The following STOX2 variants were observed in gnomAD, a reference collection of about 807,000 sequenced individuals.
STOX2 encodes storkhead box 2, also known as storkhead-box protein 2.
Under a neutral mutation model 60.9 loss-of-function variants are expected in STOX2, and 28 were observed. The ratio of observed to expected loss-of-function variants is 0.46; its 90% CI spans 0.34 to 0.63. STOX2 has a LOEUF of 0.63. Ranked by LOEUF, STOX2 falls within the 30% of genes least tolerant of loss-of-function variation. STOX2 has a pLI of 0.01. For missense variants in STOX2, 1,024 were observed against 1,187.7 expected, an observed-to-expected ratio of 0.86 and a Z score of 2.03; for synonymous variants, 472 against 463.9, an observed-to-expected ratio of 1.02 and a Z score of -0.22.
At chr4:183,895,278 G>A (rs1003916517) in intron 1 of STOX2, among the ~76,000 whole-genome samples, 1 of 152,098 alleles carries the variant, frequency 6.6e-6, no homozygotes, top group Non-Finnish European at 1.5e-5. Flanking sequence ...TTTTTCCTTA[G>A]ATAGAATTCT....
rs539508578 is a variant in STOX2, at chr4:183,960,487, T to C, written c.167-40838T>C. ...ACGTGTGTATGCTGCATAGAGAATCTCAAGCGTATTCTAAAAAAAGAGATA... is the reference window on the plus strand; with the variant it reads ...ACGTGTGTATGCTGCATAGAGAATCCCAAGCGTATTCTAAAAAAAGAGATA... On this transcript the variant is annotated intron_variant, in intron 1 of 3. Transcript: ENST00000308497. Among the ~76,000 whole-genome samples the C allele has an allele frequency of 2.0e-5, 3 of 152,342 alleles. No individual in the cohort carries two copies. In the South Asian group the frequency reaches 6.2e-4, roughly 32 times the overall value.
At chr4:184,014,055 A>G (rs1009377222) in intron 3 of STOX2, 1 of 151,678 alleles carries the variant, frequency 6.6e-6, no homozygotes, top group African/African-American at 2.4e-5. Context: ...AATCTTAAGC[A>G]GGCCATTTAT....
chr4:183,880,002 T>A (rs1461458263), intron 1 of STOX2, among the ~76,000 whole-genome samples: 1 of 152,130 alleles, frequency 6.6e-6, no homozygotes, highest in African/African-American at 2.4e-5. Flanking sequence ...TTTTCTGTTT[T>A]TTTAGAGACG....
rs1476729792 is a variant in STOX2, at chr4:183,956,361, GTTCT to G, written c.167-44963_167-44960del. Among the ~76,000 whole-genome samples, 6 of 134,492 alleles carry G rather than the reference GTTCT, an allele frequency of 4.5e-5. No individual in the cohort carries two copies. The East Asian group carries it at 1.1e-3, about 24-fold the overall frequency. The allele number at this position is 134,492 out of a possible 152,430, so 88.2% of individuals were successfully genotyped here. On this transcript the variant is annotated intron_variant, in intron 1 of 3. Coordinates refer to ENST00000308497, the MANE Select transcript of STOX2 (RefSeq NM_020225.3). ...TAATTGTTAACATTTTGCTGCATTT[GTTCT>G]ATCTATCTATCTATCTATCTATCTA...
chr4:183,860,885 C>T lies in STOX2; in HGVS notation c.364+62830C>T, dbSNP rs531856668. 1.2e-3 allele frequency among the ~76,000 whole-genome samples: 186 copies of T among 152,312 alleles called. 2 individuals are homozygous for T. Among genetic ancestry groups the T allele is most frequent in the African/African-American group, 4.4e-3 (182 of 41,562 alleles). On this transcript the variant is annotated intron_variant, in intron 1 of 2. Transcript: ENST00000513034. The stretch of plus-strand genomic sequence containing the variant: ...CGAGTTTCCGTAGGTGGAAGACAGC[C>T]TTTCCCACAGTGCTCGCCTGCCAAG...
In STOX2 at chr4:184,010,819, C is replaced by T. The variant is rs1243834706; in HGVS notation, c.1981C>T (p.Pro661Ser). The change falls in exon 3 of 4, where the codon CCG becomes TCG. Residue 661 changes from proline (P) to serine (S), a missense_variant. Physicochemically the swap from Pro to Ser is moderately conservative, Grantham distance 74. Around this residue, in one of 3 missense-constraint regions of STOX2, gnomAD observed 922 missense variants for 1,058.3 expected, o/e 0.87. Coordinates refer to ENST00000308497, the MANE Select transcript of STOX2 (RefSeq NM_020225.3). The surrounding 1 kb of genome is among the most constrained non-coding windows in gnomAD (Gnocchi z 4.5). Reference protein sequence around the residue: ...VGHKEESPKGPGGGPAASGGV... With the variant: ...VGHKEESPKGSGGGPAASGGV... Reference sequence around the variant, plus strand: ...GCACAAGGAGGAGTCACCAAAAGGGCCGGGTGGGGGCCCCGCTGCTTCGGG... The same window carrying T: ...GCACAAGGAGGAGTCACCAAAAGGGTCGGGTGGGGGCCCCGCTGCTTCGGG... 1.3e-6 allele frequency: 2 copies of T among 1,586,648 alleles called. No homozygotes were observed. Among genetic ancestry groups the T allele is most frequent in the Non-Finnish European group, 1.7e-6 (2 of 1,166,906 alleles).
In STOX2 at chr4:184,009,659, G is replaced by C; in HGVS notation, c.821G>C (p.Ser274Thr). ...TTCGGGCTAAAGTTATTCCGGTTAA[G>C]TTTTAAAAAAGACAAGACCAAACAG... ...KKFGLKLFRL[S>T]FKKDKTKQLA... The change falls in exon 3 of 4, where the codon AGT becomes ACT. Residue 274 changes from serine (S) to threonine (T), a missense_variant. Coordinates refer to ENST00000308497, the MANE Select transcript of STOX2 (RefSeq NM_020225.3). The surrounding 1 kb of genome is among the most constrained non-coding windows in gnomAD (Gnocchi z 4.0). 6.2e-7 allele frequency: 1 copy of C among 1,613,792 alleles called. No individual in the cohort carries two copies. Among genetic ancestry groups the C allele is most frequent in the Non-Finnish European group, 8.5e-7 (1 of 1,179,882 alleles).
intron 1 of STOX2, among the ~76,000 whole-genome samples, chr4:183,885,009 G>A (rs572786674): frequency 1.3e-5 from 2 of 152,294 alleles, no homozygotes; most frequent in South Asian, 2.1e-4. Context: ...ACCTAACAGC[G>A]CAGAGACATG....
intron 1 of STOX2, among the ~76,000 whole-genome samples, chr4:183,975,257 A>G (rs765034284): frequency 3.3e-5 from 5 of 152,114 alleles, no homozygotes; most frequent in African/African-American, 7.2e-5. Context: ...GCAATGAGCA[A>G]TCTAAGCTTC....
chr4:183,941,914 C>T (rs73870990), intron 1 of STOX2, among the ~76,000 whole-genome samples: 41 of 152,286 alleles, frequency 2.7e-4, no homozygotes, highest in African/African-American at 9.1e-4. Flanking sequence ...ATCACTTCAT[C>T]ATGCCTGGCA....
chr4:183,915,421 C>CT (rs70959158), intron 1 of STOX2, among the ~76,000 whole-genome samples: 18,678 of 146,490 alleles, frequency 0.13, 1,357 homozygotes, highest in African/African-American at 0.21. Context: ...GGGTATTTGT[C>CT]TTTTTTTTTT....
Position 183,825,597 on chromosome 4 carries a change from G to A in STOX2, c.364+27542G>A, listed in dbSNP as rs1023830383. On this transcript the variant is annotated intron_variant, in intron 1 of 2. Coordinates refer to the STOX2 transcript ENST00000513034. The surrounding 1 kb of genome is among the most constrained non-coding windows in gnomAD (Gnocchi z 4.1). ...TCCTGCCAACGTGGGTGCAGCGCCCGACCCCTCCCTGCCCGTCCTCTGTGT... is the reference window on the plus strand; with the variant it reads ...TCCTGCCAACGTGGGTGCAGCGCCCAACCCCTCCCTGCCCGTCCTCTGTGT... Among the ~76,000 whole-genome samples, 1 of 152,158 alleles carries A rather than the reference G, an allele frequency of 6.6e-6. No homozygotes were observed. The highest frequency in any genetic ancestry group is 1.5e-5 in the Non-Finnish European group (1 of 68,018).
rs938549476 is a variant in STOX2 at position 183,825,502 on chromosome 4, G to T, written c.364+27447G>T. Among the ~76,000 whole-genome samples the T allele has an allele frequency of 2.0e-5, 3 of 152,206 alleles. No homozygotes were observed. The highest frequency in any genetic ancestry group is 7.2e-5 in the African/African-American group (3 of 41,462). On this transcript the variant is annotated intron_variant, in intron 1 of 2. Coordinates refer to the STOX2 transcript ENST00000513034. This position sits in a 1 kb window ranked among gnomAD's most constrained non-coding sequence, Gnocchi z 4.1. ...GGGTGGCAGGCAACCTTCAATGGGTGAATAGACGTTCCTTCAGGCCCAAGT... is the reference window on the plus strand; with the variant it reads ...GGGTGGCAGGCAACCTTCAATGGGTTAATAGACGTTCCTTCAGGCCCAAGT...
rs76644705 is a variant in STOX2, at chr4:183,858,269, C to G, written c.364+60214C>G. 9.4e-3 allele frequency among the ~76,000 whole-genome samples: 1,438 copies of G among 152,358 alleles called. 23 individuals are homozygous for G. Among genetic ancestry groups the G allele is most frequent in the African/African-American group, 0.033 (1,371 of 41,566 alleles). On this transcript the variant is annotated intron_variant, in intron 1 of 2. Transcript: ENST00000513034. ...AATCTGTTCCTCCAAGCTAAGTGCC[C>G]TGCTGCTGGCCCATTCTTGACACTG...
chr4:183,952,748 A>G (rs1743130247), intron 1 of STOX2, among the ~76,000 whole-genome samples: 1 of 152,168 alleles, frequency 6.6e-6, no homozygotes, highest in South Asian at 2.1e-4. Context: ...ACAAAGTTGC[A>G]CCATTTTCTT....
At chr4:183,845,117 A>C (rs796633183) in intron 1 of STOX2, among the ~76,000 whole-genome samples, 12 of 152,366 alleles carry the variant, frequency 7.9e-5, no homozygotes, top group African/African-American at 2.4e-4. Context: ...GAGATAAGAA[A>C]TGTCCACCAT....
intron 1 of STOX2, among the ~76,000 whole-genome samples, chr4:183,863,773 A>G (rs917500251): frequency 4.1e-4 from 63 of 152,334 alleles, no homozygotes; most frequent in African/African-American, 1.5e-3. Flanking sequence ...GCTTGTAACC[A>G]TTTATACCTG....
intron 1 of STOX2, among the ~76,000 whole-genome samples, chr4:183,970,836 T>C (rs1743721919): frequency 1.3e-5 from 2 of 152,230 alleles, no homozygotes; most frequent in African/African-American, 4.8e-5. Flanking sequence ...TCTAATTGAG[T>C]AGAATTATAA....
chr4:183,818,194 TAAAC>T (rs1236065871), intron 1 of STOX2, among the ~76,000 whole-genome samples: 2 of 152,018 alleles, frequency 1.3e-5, no homozygotes, highest in African/African-American at 4.8e-5. Flanking sequence ...GGTCAGCAGA[TAAAC>T]AAGTGAACAA....
Sources: gnomAD v4.1 joint callset for allele counts (sites outside exome capture counted in the v4.1 genomes callset) on GRCh38, gnomAD v4.1.1 for gene constraint, gnomAD v4.1.1 regional missense constraint, Gnocchi (gnomAD v3.1) non-coding constraint, MANE v1.5 for transcripts, NCBI Gene and HGNC (gene_info 2026-07-23, HGNC 2026-07-21) for gene names.